Variants in UBA2 observed in about 807,000 individuals in gnomAD.
The protein encoded by UBA2 is SUMO-activating enzyme subunit 2.
In UBA2, 11 loss-of-function variants were observed where a neutral mutation model predicts 77.2. The observed-to-expected ratio is 0.14, with a 90% CI of 0.09 to 0.24. UBA2 has a LOEUF of 0.24. Among genes scored for constraint, UBA2 ranks in the 10% least tolerant of loss-of-function variants. The probability of loss-of-function intolerance (pLI) is 1.00; values close to 1 mark genes in which losing one functional copy is unlikely to be tolerated. For synonymous variants in UBA2, 278 were observed against 276.7 expected (o/e 1.00, Z -0.05); for missense variants, 487 against 781.7 (o/e 0.62, Z 4.50).
In UBA2 at chr19:34,438,701, C is replaced by A; in HGVS notation, c.516C>A (p.Gly172=). The change falls in exon 6 of 17, where the codon GGC becomes GGA. Residue 172 remains glycine, a synonymous_variant. Coordinates refer to ENST00000246548, the MANE Select transcript of UBA2 (RefSeq NM_005499.3). The part of the protein sequence containing the change: ...HPKPTQRTFP[G]CTIRNTPSEP... ...AGCCGACCCAGAGAACCTTTCCTGGCTGTACAATTCGTAACACACCTTCAG... is the reference window on the plus strand; with the variant it reads ...AGCCGACCCAGAGAACCTTTCCTGGATGTACAATTCGTAACACACCTTCAG... 2.5e-6 allele frequency: 4 copies of A among 1,614,122 alleles called. No homozygotes were observed. Among genetic ancestry groups the A allele is most frequent in the Non-Finnish European group, 3.4e-6 (4 of 1,180,014 alleles).
At chr19:34,455,147 G>C (rs145130760) in intron 12 of UBA2, among the ~76,000 whole-genome samples, 2 of 152,282 alleles carry the variant, frequency 1.3e-5, no homozygotes, top group Non-Finnish European at 1.5e-5. Context: ...TTGGGTGCTT[G>C]GGGCACTGCC....
chr19:34,432,009 T>A (rs2075261789), intron 3 of UBA2, 78 bp downstream of exon 3: 1 of 1,119,230 alleles, frequency 8.9e-7, no homozygotes, highest in Non-Finnish European at 1.3e-6. Flanking sequence ...TCATTCAGCT[T>A]TTTTAAAAAA....
intron 10 of UBA2, among the ~76,000 whole-genome samples, chr19:34,453,635 C>T (rs2145543938): frequency 6.6e-6 from 1 of 151,596 alleles, no homozygotes; most frequent in East Asian, 1.9e-4. Flanking sequence ...GTGATCCCGC[C>T]ACCTCAGGCT....
intron 6 of UBA2, 42 bp downstream of exon 6, chr19:34,438,808 A>T (rs1043422156): frequency 6.2e-7 from 1 of 1,605,844 alleles, no homozygotes; most frequent in African/African-American, 1.3e-5. Context: ...GGTACTGATG[A>T]TGGAAAATGG....
At chr19:34,457,178 AAATATAT>A (rs1407316466) in intron 12 of UBA2, among the ~76,000 whole-genome samples, 31 of 89,738 alleles carry the variant, frequency 3.5e-4, no homozygotes, top group East Asian at 1.8e-3. Flanking sequence ...AAAAAAAAAA[AAATATAT>A]ATATATATAT....
At chr19:34,443,662 G>A (rs961549468) in intron 6 of UBA2, among the ~76,000 whole-genome samples, 182 bp from the exon 7 acceptor site, 1 of 151,928 alleles carries the variant, frequency 6.6e-6, no homozygotes, top group Non-Finnish European at 1.5e-5. Flanking sequence ...GGCTGGTCTC[G>A]AACTCCTGAC....
chr19:34,458,848 A>T lies in UBA2; in HGVS notation c.1325A>T (p.Tyr442Phe). 1.2e-6 allele frequency: 2 copies of T among 1,614,122 alleles called. No individual in the cohort carries two copies. The highest frequency in any genetic ancestry group is 1.7e-6 in the Non-Finnish European group (2 of 1,180,024). ...CALDPPNPNC[Y>F]VCASKPEVTV... ...CTGGATCCTCCCAACCCCAATTGTTATGTATGTGCCAGCAAGCCAGAGGTG... is the reference window on the plus strand; with the variant it reads ...CTGGATCCTCCCAACCCCAATTGTTTTGTATGTGCCAGCAAGCCAGAGGTG... Residue 442 changes from tyrosine (Y) to phenylalanine (F), a missense_variant, in exon 13 of 17, where the codon TAT becomes TTT. Around this residue, in one of 9 missense-constraint regions of UBA2, gnomAD observed 300 missense variants for 454.3 expected, o/e 0.66. Transcript: ENST00000246548.
At chr19:34,441,618 T>C (rs761412221) in intron 6 of UBA2, among the ~76,000 whole-genome samples, 6 of 152,182 alleles carry the variant, frequency 3.9e-5, no homozygotes, top group Non-Finnish European at 7.3e-5. Flanking sequence ...GTCAACTTGA[T>C]AAATGTTCAC....
chr19:34,446,638 C>T (rs1313749913), intron 8 of UBA2, among the ~76,000 whole-genome samples: 1 of 147,310 alleles, frequency 6.8e-6, no homozygotes, highest in Admixed American at 6.9e-5. Flanking sequence ...GAGAGAGAAT[C>T]CTGCTCTGTC....
At chr19:34,452,826 A>C (rs931819383) in intron 10 of UBA2, among the ~76,000 whole-genome samples, 2 of 152,238 alleles carry the variant, frequency 1.3e-5, no homozygotes, top group Admixed American at 6.5e-5. Context: ...GTGTGTACAT[A>C]TTTTGAAACT....
At chr19:34,463,769 C>A (rs550535164) in intron 14 of UBA2, among the ~76,000 whole-genome samples, 1 of 152,256 alleles carries the variant, frequency 6.6e-6, no homozygotes, top group East Asian at 1.9e-4. Context: ...TGCCTGCCTT[C>A]CTCCTCCTAT....
chr19:34,464,146 T>C lies in UBA2; in HGVS notation c.1604+15T>C. ...ATCCTTCATAGGTAAGAGCTATTAG[T>C]ATTTTAATTGTAAGAAATTATTTGA... On this transcript the variant is annotated intron_variant, in intron 15 of 16. Transcript: ENST00000246548. The C allele has an allele frequency of 2.0e-6, 3 of 1,474,312 alleles. No individual in the cohort carries two copies. The highest frequency in any genetic ancestry group is 2.3e-5 in the South Asian group (2 of 85,922). 91.3% of individuals were successfully genotyped at this position (1,474,312 alleles called of 1,614,324 possible).
At chr19:34,466,336 GA>G (rs1295645519) in intron 15 of UBA2, among the ~76,000 whole-genome samples, 1 of 151,752 alleles carries the variant, frequency 6.6e-6, no homozygotes, top group Non-Finnish European at 1.5e-5. Context: ...ACTCCGTCTC[GA>G]AAAAAAGAAA....
At chr19:34,441,806 A>G (rs2075372411) in intron 6 of UBA2, among the ~76,000 whole-genome samples, 1 of 151,876 alleles carries the variant, frequency 6.6e-6, no homozygotes, top group Non-Finnish European at 1.5e-5. Flanking sequence ...CTGTAGTCCC[A>G]CCTACTCGGG....
chr19:34,454,438 TC>T lies in UBA2; in HGVS notation c.1133-3del. ...AAACATACTCATCCTTTTTTTTTTT[TC>T]CCAGCAATGGCAGGGAACATTATTC... is the stretch of plus-strand genomic sequence containing the variant. On this transcript the variant is annotated splice_polypyrimidine_tract_variant and splice_region_variant and intron_variant, in intron 11 of 16. Transcript: ENST00000246548. The T allele has an allele frequency of 1.3e-6, 2 of 1,561,122 alleles. No individual in the cohort carries two copies. The highest frequency in any genetic ancestry group is 1.9e-5 in the Admixed American group (1 of 52,802).
At chr19:34,433,675 TGTGGCTCAGCACA>T (rs1008037420) in intron 4 of UBA2, among the ~76,000 whole-genome samples, 1 of 152,130 alleles carries the variant, frequency 6.6e-6, no homozygotes, top group African/African-American at 2.4e-5. Context: ...AAAGTGTGAC[TGTGGCTCAGCACA>T]GTGGCTCACG....
chr19:34,458,957 GC>G, intron 13 of UBA2, 33 bp downstream of exon 13: 1 of 1,598,296 alleles, frequency 6.3e-7, no homozygotes. Flanking sequence ...TTTTCCTTTT[GC>G]TTTTACAGTA....
chr19:34,468,500 A>C (rs528280495), intron 16 of UBA2, among the ~76,000 whole-genome samples: 8 of 152,344 alleles, frequency 5.3e-5, no homozygotes, highest in Admixed American at 4.6e-4. Context: ...ACGAGGAGAT[A>C]AAACCACCTT....
chr19:34,452,180 A>C lies in UBA2; in HGVS notation c.1038+33A>C, dbSNP rs1052804152. The C allele has an allele frequency of 3.3e-6, 5 of 1,513,156 alleles. No individual in the cohort carries two copies. The South Asian group carries it at 5.2e-5, about 16-fold the overall frequency. The allele number at this position is 1,513,156 out of a possible 1,614,324, so 93.7% of individuals were successfully genotyped here. A position where few individuals can be genotyped will look rare whatever the true frequency, so the allele number is the denominator to read the frequency against. On this transcript the variant is annotated intron_variant, in intron 10 of 16. Transcript: ENST00000246548. ...TTGACAATGTGTGGCAAGTACTTAC[A>C]TGTCAAAAGTGTGTTTTAGTTCTTG...
Sources: allele counts gnomAD v4.1 joint callset (sites outside exome capture counted in the v4.1 genomes callset), GRCh38; gene constraint gnomAD v4.1.1; regional missense constraint gnomAD v4.1.1; transcripts MANE v1.5; gene names NCBI Gene and HGNC (gene_info 2026-07-23, HGNC 2026-07-21).